The following TSC1 variants were observed in gnomAD, a reference collection of about 807,000 sequenced individuals.
TSC1 encodes the protein TSC complex subunit 1, also known as hamartin.
TSC1 carries 20 observed loss-of-function variants against 124.3 expected under a neutral mutation model. That is an observed-to-expected ratio of 0.16 (90% CI 0.11 to 0.23). The LOEUF (loss-of-function observed/expected upper bound fraction) is 0.23. Ranked by LOEUF, TSC1 falls within the 10% of genes least tolerant of loss-of-function variation. TSC1 has a pLI of 1.00. For missense variants in TSC1, 1,124 were observed against 1,448.5 expected, an observed-to-expected ratio of 0.78 and a Z score of 3.64; for synonymous variants, 493 against 539.1, an observed-to-expected ratio of 0.91 and a Z score of 1.19.
At chr9:132,914,801 G>A (rs1422119100) in intron 8 of TSC1, among the ~76,000 whole-genome samples, 2 of 151,910 alleles carry the variant, frequency 1.3e-5, no homozygotes, top group Non-Finnish European at 2.9e-5. Flanking sequence ...CCTGGAAGGC[G>A]GAGGTTGCAG....
intron 2 of TSC1, chr9:132,931,550 CAT>C (rs1418168061): frequency 6.6e-6 from 1 of 152,098 alleles, no homozygotes; most frequent in Non-Finnish European, 1.5e-5. Context: ...TACTGTTTAC[CAT>C]AGTTTTTAAT....
chr9:132,936,749 C>T (rs1288351674), intron 1 of TSC1, among the ~76,000 whole-genome samples: 1 of 152,146 alleles, frequency 6.6e-6, no homozygotes, highest in Non-Finnish European at 1.5e-5. Flanking sequence ...GCAAAAACAC[C>T]CTGCTCAGAA....
At chr9:132,919,517 G>C (rs1364553828) in intron 8 of TSC1, among the ~76,000 whole-genome samples, 1 of 152,104 alleles carries the variant, frequency 6.6e-6, no homozygotes, top group Admixed American at 6.5e-5. Context: ...TTGGAAGCAG[G>C]GTGGCAATGG....
chr9:132,927,521 CTTTTTTTTTTT>C (rs57259325), intron 3 of TSC1, among the ~76,000 whole-genome samples: 9 of 103,940 alleles, frequency 8.7e-5, no homozygotes, highest in Admixed American at 3.5e-4. Flanking sequence ...TTTTTATTGC[CTTTTTTTTTTT>C]TTTTTTTTTG....
rs777437357 is a variant in TSC1 at position 132,900,715 on chromosome 9, C to A, written c.2625G>T (p.Lys875Asn). The A allele has an allele frequency of 6.2e-7, 1 of 1,614,084 alleles. No individual in the cohort carries two copies. The highest frequency in any genetic ancestry group is 1.3e-5 in the African/African-American group (1 of 75,042). ...QLQNKHSDTT[K>N]EVEMMKAAYR... ...GTCTGGCTCCCGAGCCCTGGCATAC[C>A]TTTGTGGTATCTGAGTGCTTGTTCT... Residue 875 changes from lysine to asparagine, a missense_variant and splice_region_variant, in exon 20 of 23, where the codon AAG becomes AAT. This residue lies in a region of TSC1 where 325 missense variants were observed against 383.4 expected (regional missense o/e 0.85). Transcript: ENST00000298552.
chr9:132,918,315 G>A (rs966891126), intron 8 of TSC1, among the ~76,000 whole-genome samples: 5 of 152,182 alleles, frequency 3.3e-5, no homozygotes, highest in African/African-American at 1.2e-4. Flanking sequence ...TTATACTACA[G>A]AATCCTTAAA....
intron 12 of TSC1, among the ~76,000 whole-genome samples, chr9:132,908,431 A>T (rs774122607): frequency 2.0e-5 from 3 of 152,124 alleles, no homozygotes; most frequent in Non-Finnish European, 4.4e-5. Context: ...ACAGATATGT[A>T]ATTGCAAAAG....
chr9:132,927,055 T>A lies in TSC1; in HGVS notation c.210+146A>T, dbSNP rs570608707. Reference sequence around the variant, plus strand: ...CATGGGTCCTACAAAGTAATTTTTATATGTAGTTATAAACTGGGAACAATG... The same window carrying A: ...CATGGGTCCTACAAAGTAATTTTTAAATGTAGTTATAAACTGGGAACAATG... On this transcript the variant is annotated intron_variant, in intron 4 of 22. Transcript: ENST00000298552. 85 of 762,660 alleles carry A rather than the reference T, an allele frequency of 1.1e-4. No homozygotes were observed. The South Asian group carries it at 1.2e-3, about 11-fold the overall frequency. The allele number at this position is 762,660 out of a possible 1,614,324, so 47.2% of individuals were successfully genotyped here. A position where few individuals can be genotyped will look rare whatever the true frequency, so the allele number is the denominator to read the frequency against.
chr9:132,897,388 A>C, intron 21 of TSC1, 35 bp downstream of exon 21: 3 of 1,614,232 alleles, frequency 1.9e-6, no homozygotes, highest in Non-Finnish European at 1.7e-6. Flanking sequence ...GTTCCACTTA[A>C]TAAAAACACA....
chr9:132,895,976 C>A lies in TSC1; in HGVS notation c.*259G>T. ...AAGAAAGTAAAGCTACTGAGGAACA[C>A]CAACTGGCCCTTGGATTAGAACACA... On this transcript the variant is annotated 3_prime_UTR_variant, in exon 23 of 23. Transcript: ENST00000298552. 1.8e-6 allele frequency: 1 copy of A among 545,626 alleles called. No homozygotes were observed. The highest frequency in any genetic ancestry group is 3.2e-5 in the East Asian group (1 of 31,650). 33.8% of individuals were successfully genotyped at this position (545,626 alleles called of 1,614,324 possible).
chr9:132,912,785 G>C (rs2132012949), intron 8 of TSC1: 1 of 337,194 alleles, frequency 3.0e-6, no homozygotes, highest in East Asian at 7.3e-5. Context: ...ATGTCCTTTG[G>C]AACAAAGGTC....
At position 132,906,890 on chromosome 9, in the gene TSC1, G is replaced by C. The variant is rs7872606; in HGVS notation, c.1334-55C>G. 0.095 allele frequency: 130,483 copies of C among 1,371,562 alleles called. 6,123 individuals are homozygous for C. Among genetic ancestry groups the C allele is most frequent in the African/African-American group, 0.11 (7,672 of 70,250 alleles). The allele number at this position is 1,371,562 out of a possible 1,614,324, so 85.0% of individuals were successfully genotyped here. ...AAGAAATACAGTGTAATCCCTGTAA[G>C]TGTAAAACTGCTTACACTGTATAGA... On this transcript the variant is annotated intron_variant, in intron 13 of 22. Coordinates refer to ENST00000298552, the MANE Select transcript of TSC1 (RefSeq NM_000368.5). This position sits in a 1 kb window ranked among gnomAD's most constrained non-coding sequence, Gnocchi z 4.1.
At chr9:132,944,772 C>T (rs538491949), upstream of TSC1, 1,161 of 396,114 alleles carry the variant, frequency 2.9e-3, 12 homozygotes, top group Middle Eastern at 7.6e-3. Context: ...TCATAACTGA[C>T]GATGTGGGTT....
rs1195411560 is a variant in TSC1 at position 132,896,769 on chromosome 9, G to A, written c.2976-15C>T. 6.2e-7 allele frequency: 1 copy of A among 1,613,472 alleles called. No homozygotes were observed. The highest frequency in any genetic ancestry group is 1.7e-5 in the Admixed American group (1 of 60,016). ...AACAGTCAAGCCTGTAAGAAAGCCGGGGAGGAAAAAAGGAGCTGGTGATTG... is the reference window on the plus strand; with the variant it reads ...AACAGTCAAGCCTGTAAGAAAGCCGAGGAGGAAAAAAGGAGCTGGTGATTG... On this transcript the variant is annotated splice_polypyrimidine_tract_variant and intron_variant, in intron 22 of 22. Transcript: ENST00000298552. This position sits in a 1 kb window ranked among gnomAD's most constrained non-coding sequence, Gnocchi z 4.5.
chr9:132,940,049 T>C (rs1763020582), intron 1 of TSC1, among the ~76,000 whole-genome samples: 1 of 151,994 alleles, frequency 6.6e-6, no homozygotes, highest in Non-Finnish European at 1.5e-5. Flanking sequence ...ATAGAGTGCA[T>C]AAACCTTGGG....
chr9:132,920,580 T>A (rs1846493542), intron 8 of TSC1, among the ~76,000 whole-genome samples: 1 of 152,142 alleles, frequency 6.6e-6, no homozygotes, highest in Non-Finnish European at 1.5e-5. Context: ...AGAGGCAGTG[T>A]CTGTGGTGAG....
At position 132,900,647 on chromosome 9, in the gene TSC1, C is replaced by T. The variant is rs1076160; in HGVS notation, c.2625+68G>A. The T allele has an allele frequency of 0.48, 770,747 of 1,607,722 alleles. 192,020 individuals carry two copies. Among genetic ancestry groups the T allele is most frequent in the South Asian group, 0.59 (53,272 of 90,502 alleles). ...TCATCAAGCCATTCTCTATGCCATG[C>T]GGGAGACATACTGTCTGGGTCTGAA... is the stretch of plus-strand genomic sequence containing the variant. On this transcript the variant is annotated intron_variant, in intron 20 of 22. Transcript: ENST00000298552.
At position 132,897,312 on chromosome 9, in the gene TSC1, C is replaced by G. The variant is rs1437157688; in HGVS notation, c.2847G>C (p.Glu949Asp). ...GQLQAAESRY[E>D]AQKRITQVFE... ...ACACCTGGGTTATCCTTTTCTGAGC[C>G]TCATACCTGCTCTCTGCGGCCTGCA... Residue 949 changes from glutamate to aspartate, a missense_variant, in exon 22 of 23, where the codon GAG (glutamate) becomes GAC (aspartate). Glu to Asp is a conservative substitution (Grantham distance 45). Coordinates refer to ENST00000298552, the MANE Select transcript of TSC1 (RefSeq NM_000368.5). 1 of 1,614,100 alleles carries G rather than the reference C, an allele frequency of 6.2e-7. No homozygotes were observed. The highest frequency in any genetic ancestry group is 8.5e-7 in the Non-Finnish European group (1 of 1,180,054).
chr9:132,925,887 T>A, intron 4 of TSC1, 148 bp from the exon 5 acceptor site: 1 of 1,062,016 alleles, frequency 9.4e-7, no homozygotes, highest in Non-Finnish European at 1.4e-6. Context: ...TTCAAGATTT[T>A]AAAAACCACG....
Sources: gnomAD v4.1 joint callset for allele counts (sites outside exome capture counted in the v4.1 genomes callset) on GRCh38, gnomAD v4.1.1 for gene constraint, gnomAD v4.1.1 regional missense constraint, Gnocchi (gnomAD v3.1) non-coding constraint, MANE v1.5 for transcripts, NCBI Gene and HGNC (gene_info 2026-07-23, HGNC 2026-07-21) for gene names.